Variants in ZNF503 observed in about 807,000 individuals in gnomAD.
ZNF503 encodes the protein NocA-like zinc finger 2.
In ZNF503, 15 loss-of-function variants were observed where a neutral mutation model predicts 34.4. The observed-to-expected ratio is 0.44, with a 90% CI of 0.29 to 0.67. ZNF503 has a LOEUF of 0.67. ZNF503 is among the 30% of genes least tolerant of loss of function. The pLI, the probability that ZNF503 is intolerant of heterozygous loss-of-function variation, is 0.13. For synonymous variants in ZNF503, 580 were observed against 456.8 expected (o/e 1.27, Z -3.44); for missense variants, 1,007 against 926.8 (o/e 1.09, Z -1.12).
At chr10:75,379,490 A>G in the ZNF503 span, among the ~76,000 whole-genome samples, 4 of 152,232 alleles carry the variant, frequency 2.6e-5, no homozygotes, top group Admixed American at 1.3e-4. Context: ...CATTACCACA[A>G]TCACAAAAGC....
At chr10:75,303,364 T>G in the ZNF503 span, among the ~76,000 whole-genome samples, 30 of 152,336 alleles carry the variant, frequency 2.0e-4, no homozygotes, top group Admixed American at 1.6e-3. Context: ...ATCCCACATA[T>G]AGTTGGAAAG....
the ZNF503 span, among the ~76,000 whole-genome samples, chr10:75,306,524 C>G: frequency 1.3e-5 from 2 of 152,190 alleles, no homozygotes; most frequent in Admixed American, 6.5e-5. Flanking sequence ...ATGATGCCAT[C>G]TGATGCATAG....
At chr10:75,360,277 C>T in the ZNF503 span, among the ~76,000 whole-genome samples, 10 of 134,348 alleles carry the variant, frequency 7.4e-5, no homozygotes, top group South Asian at 2.3e-4. Flanking sequence ...CCCGCCACCA[C>T]GCCTGGCTAA....
the ZNF503 span, among the ~76,000 whole-genome samples, chr10:75,334,191 G>A: frequency 6.6e-6 from 1 of 151,674 alleles, no homozygotes; most frequent in African/African-American, 2.4e-5. Context: ...GCAGGCGGCT[G>A]CTCCTTGCCC....
the ZNF503 span, among the ~76,000 whole-genome samples, chr10:75,325,147 G>A: frequency 6.6e-6 from 1 of 151,958 alleles, no homozygotes; most frequent in Non-Finnish European, 1.5e-5. Context: ...TAAGGCGTGA[G>A]GTATGGGTTG....
chr10:75,365,721 A>T, the ZNF503 span, among the ~76,000 whole-genome samples: 1 of 152,166 alleles, frequency 6.6e-6, no homozygotes, highest in South Asian at 2.1e-4. Context: ...TGGTAATATT[A>T]CTTTGCTGGC....
the ZNF503 span, among the ~76,000 whole-genome samples, chr10:75,330,961 T>C: frequency 2.0e-5 from 3 of 152,202 alleles, no homozygotes; most frequent in African/African-American, 7.2e-5. Flanking sequence ...TTTTTCTACT[T>C]TTTTGATGTT....
the ZNF503 span, among the ~76,000 whole-genome samples, chr10:75,322,217 G>C: frequency 6.7e-6 from 1 of 149,914 alleles, no homozygotes; most frequent in Admixed American, 6.7e-5. Flanking sequence ...TCCGCCTCCT[G>C]GGTTCAAGTG....
the ZNF503 span, chr10:75,373,551 T>G: frequency 6.6e-6 from 1 of 152,136 alleles, no homozygotes; most frequent in Non-Finnish European, 1.5e-5. Flanking sequence ...GGGACTCCCT[T>G]TCCTAGAGAC....
At chr10:75,387,158 G>T in the ZNF503 span, among the ~76,000 whole-genome samples, 1 of 152,246 alleles carries the variant, frequency 6.6e-6, no homozygotes, top group Admixed American at 6.5e-5. Flanking sequence ...CTGGCCTTGA[G>T]GGCTTCCCCG....
rs760375543 is a variant in ZNF503, at chr10:75,401,354, TCCGCCGCCGCCG to T, written c.54_65del (p.Gly24_Gly27del). 6.6e-7 allele frequency: 1 copy of T among 1,505,588 alleles called. No homozygotes were observed. The highest frequency in any genetic ancestry group is 8.8e-7 in the Non-Finnish European group (1 of 1,137,084). The allele number at this position is 1,505,588 out of a possible 1,614,324, so 93.3% of individuals were successfully genotyped here. A position where few individuals can be genotyped will look rare whatever the true frequency, so the allele number is the denominator to read the frequency against. On this transcript the variant is annotated inframe_deletion, in exon 1 of 2. Transcript: ENST00000372524. ...CAGGGTCTGCACCGCCGCCTCCGCC[TCCGCCGCCGCCG>T]CCGCCGCTGTGCTTACTGCTTCTTA...
At chr10:75,383,889 A>T in the ZNF503 span, among the ~76,000 whole-genome samples, 2 of 152,244 alleles carry the variant, frequency 1.3e-5, no homozygotes, top group Admixed American at 1.3e-4. Flanking sequence ...TCTATTGGTC[A>T]ATCAGCATGC....
the ZNF503 span, among the ~76,000 whole-genome samples, chr10:75,371,166 C>T: frequency 3.2e-4 from 49 of 152,234 alleles, no homozygotes; most frequent in African/African-American, 1.2e-3. Context: ...GTGCCTGGAG[C>T]GGAGACAGCA....
downstream of ZNF503, among the ~76,000 whole-genome samples, chr10:75,396,594 C>A (rs1015417531): frequency 6.6e-6 from 1 of 152,216 alleles, no homozygotes; most frequent in African/African-American, 2.4e-5. This position sits in a 1 kb window ranked among gnomAD's most constrained non-coding sequence, Gnocchi z 4.4. Flanking sequence ...GCTGACTTCG[C>A]GCGGCCGTGA....
At chr10:75,313,261 C>T in the ZNF503 span, among the ~76,000 whole-genome samples, 1 of 152,106 alleles carries the variant, frequency 6.6e-6, no homozygotes, top group African/African-American at 2.4e-5. Flanking sequence ...TGTGGGAGTT[C>T]AGAAATCCAA....
chr10:75,325,761 C>A, the ZNF503 span, among the ~76,000 whole-genome samples: 5 of 146,910 alleles, frequency 3.4e-5, no homozygotes, highest in South Asian at 1.1e-3. Flanking sequence ...GCATATCTTT[C>A]CATTTATTTA....
rs1214606813 is a variant in ZNF503 at position 75,401,383 on chromosome 10, T to C, written c.37A>G (p.Ser13Gly). 4 of 1,538,796 alleles carry C rather than the reference T, an allele frequency of 2.6e-6. No homozygotes were observed. Among genetic ancestry groups the C allele is most frequent in the African/African-American group, 1.4e-5 (1 of 72,976 alleles). ...CCGCCGCCGCCGCCGCTGTGCTTAC[T>C]GCTTCTTAGGGCAGAAAGCGAGGGC... ...TAPSLSALRS[S>G]KHSGGGGGGG... Residue 13 changes from serine to glycine, a missense_variant, in exon 1 of 2, where the codon AGT (serine) becomes GGT (glycine). Transcript: ENST00000372524.
the ZNF503 span, among the ~76,000 whole-genome samples, chr10:75,349,432 A>G: frequency 6.6e-6 from 1 of 152,236 alleles, no homozygotes; most frequent in Non-Finnish European, 1.5e-5. Flanking sequence ...ATGCCACATG[A>G]GTTTTAATGT....
the ZNF503 span, among the ~76,000 whole-genome samples, chr10:75,285,955 C>T: frequency 6.6e-6 from 1 of 152,064 alleles, no homozygotes; most frequent in South Asian, 2.1e-4. Flanking sequence ...CGGGTGGGCT[C>T]AGCCATAGGA....
Sources: gnomAD v4.1 joint callset for allele counts (sites outside exome capture counted in the v4.1 genomes callset) on GRCh38, gnomAD v4.1.1 for gene constraint, Gnocchi (gnomAD v3.1) non-coding constraint, MANE v1.5 for transcripts, NCBI Gene and HGNC (gene_info 2026-07-23, HGNC 2026-07-21) for gene names.